Variants in MTMR7 observed in about 807,000 individuals in gnomAD.
MTMR7 encodes myotubularin related protein 7.
In MTMR7, 76 loss-of-function variants were observed where a neutral mutation model predicts 81.2. That is an observed-to-expected ratio of 0.94 (90% CI 0.78 to 1.13). The LOEUF is 1.13. MTMR7 is among the 50% of genes most tolerant of loss of function. The pLI is 0.00. For synonymous variants in MTMR7, 372 were observed against 289.8 expected, an observed-to-expected ratio of 1.28 and a Z score of -2.88; for missense variants, 1,044 against 820.0, an observed-to-expected ratio of 1.27 and a Z score of -3.34.
intron 6 of MTMR7, 75 bp downstream of exon 6, chr8:17,341,288 C>G (rs1819399721): frequency 6.4e-7 from 1 of 1,573,262 alleles, no homozygotes; most frequent in East Asian, 2.2e-5. Flanking sequence ...CAAGAGATGG[C>G]AGTCGGCTAG....
intron 4 of MTMR7, among the ~76,000 whole-genome samples, chr8:17,352,164 C>T (rs1233888196): frequency 2.6e-5 from 4 of 152,278 alleles, no homozygotes; most frequent in African/African-American, 9.6e-5. Context: ...ACAAAGAGGA[C>T]TTACACTTCA....
At chr8:17,345,183 G>T (rs1374356078) in intron 5 of MTMR7, among the ~76,000 whole-genome samples, 1 of 152,210 alleles carries the variant, frequency 6.6e-6, no homozygotes, top group East Asian at 1.9e-4. Flanking sequence ...TCGACATCTG[G>T]TAAAACCGAG....
At chr8:17,305,057 T>G (rs1817365274) in intron 11 of MTMR7, among the ~76,000 whole-genome samples, 1 of 152,166 alleles carries the variant, frequency 6.6e-6, no homozygotes, top group Non-Finnish European at 1.5e-5. Flanking sequence ...TACACTCTGC[T>G]CCTTCTAAAT....
At chr8:17,397,068 T>C (rs753513794) in intron 1 of MTMR7, among the ~76,000 whole-genome samples, 1 of 151,728 alleles carries the variant, frequency 6.6e-6, no homozygotes, top group Non-Finnish European at 1.5e-5. Flanking sequence ...TAATGAGCAG[T>C]GATACCCAGG....
intron 1 of MTMR7, among the ~76,000 whole-genome samples, chr8:17,380,015 C>T (rs770737894): frequency 6.6e-6 from 1 of 152,152 alleles, no homozygotes. Context: ...TAAGGAAGAG[C>T]TGTGCCACAA....
chr8:17,377,042 TTTTGA>T (rs1379847022), intron 1 of MTMR7, among the ~76,000 whole-genome samples: 1 of 150,230 alleles, frequency 6.7e-6, no homozygotes, highest in African/African-American at 2.4e-5. Flanking sequence ...ATAATTGTTA[TTTTGA>T]TTTGTTTTTT....
chr8:17,297,893 T>G lies in MTMR7; in HGVS notation c.*1969A>C, dbSNP rs928931749. 4.6e-5 allele frequency: 7 copies of G among 152,042 alleles called. No individual in the cohort carries two copies. Among genetic ancestry groups the G allele is most frequent in the African/African-American group, 1.2e-4 (5 of 41,442 alleles). The allele number at this position is 152,042 out of a possible 1,614,324, so 9.4% of individuals were successfully genotyped here. On this transcript the variant is annotated 3_prime_UTR_variant, in exon 14 of 14. Transcript: ENST00000180173. ...GTTACATAAATTATAATGTCTGTCT[T>G]GTAAAAAAGTTGAGGGGACTAAAAG...
intron 11 of MTMR7, among the ~76,000 whole-genome samples, chr8:17,304,803 A>G (rs887948592): frequency 7.4e-6 from 1 of 135,854 alleles, no homozygotes; most frequent in Non-Finnish European, 1.5e-5. Flanking sequence ...TTTTCCCCCA[A>G]ATAGTCATTG....
At chr8:17,390,763 C>A (rs1225219063) in intron 1 of MTMR7, among the ~76,000 whole-genome samples, 1 of 152,100 alleles carries the variant, frequency 6.6e-6, no homozygotes, top group Non-Finnish European at 1.5e-5. Flanking sequence ...GAGAGAAGTA[C>A]AGAATGAAAG....
At chr8:17,342,218 G>C (rs894501023) in intron 5 of MTMR7, among the ~76,000 whole-genome samples, 4 of 152,198 alleles carry the variant, frequency 2.6e-5, no homozygotes, top group Non-Finnish European at 4.4e-5. Flanking sequence ...TGAGTAGGTA[G>C]TACAGATCCT....
chr8:17,395,073 C>G (rs984685446), intron 1 of MTMR7, among the ~76,000 whole-genome samples: 7 of 152,066 alleles, frequency 4.6e-5, no homozygotes, highest in Admixed American at 4.6e-4. Context: ...AAGCAAAAAC[C>G]CTTATTTTCC....
intron 3 of MTMR7, among the ~76,000 whole-genome samples, chr8:17,366,662 G>C (rs552085930): frequency 2.0e-5 from 3 of 152,068 alleles, no homozygotes; most frequent in Non-Finnish European, 4.4e-5. Context: ...CGAGGCGGGC[G>C]GATCATGAGG....
At chr8:17,407,968 C>G (rs551684385) in intron 1 of MTMR7, among the ~76,000 whole-genome samples, 1 of 152,098 alleles carries the variant, frequency 6.6e-6, no homozygotes, top group Non-Finnish European at 1.5e-5. Flanking sequence ...CACTATTTGC[C>G]CACGGTGAAA....
chr8:17,328,374 G>T (rs73552070), intron 7 of MTMR7, among the ~76,000 whole-genome samples: 3,573 of 152,210 alleles, frequency 0.023, 140 homozygotes, highest in African/African-American at 0.081. Flanking sequence ...ATAATAATAG[G>T]CTGGCCTTGA....
At chr8:17,381,205 G>C (rs550995814) in intron 1 of MTMR7, among the ~76,000 whole-genome samples, 98 of 152,076 alleles carry the variant, frequency 6.4e-4, no homozygotes, top group African/African-American at 2.3e-3. Context: ...GGGTTAGACT[G>C]AGGGGAAAAA....
intron 7 of MTMR7, among the ~76,000 whole-genome samples, chr8:17,320,287 C>G (rs1249137518): frequency 2.6e-5 from 4 of 152,240 alleles, no homozygotes; most frequent in Admixed American, 2.0e-4. Context: ...TGAATCTGAT[C>G]AAAAGTCTTC....
chr8:17,352,543 C>A lies in MTMR7; in HGVS notation c.469-3462G>T, dbSNP rs555743088. On this transcript the variant is annotated intron_variant, in intron 4 of 13. Transcript: ENST00000180173. ...AAGCTTTATGACATTGGAGTTGGCACTGATTTATTATGTATGACAGCAAAA... is the reference window on the plus strand; with the variant it reads ...AAGCTTTATGACATTGGAGTTGGCAATGATTTATTATGTATGACAGCAAAA... 2.6e-5 allele frequency among the ~76,000 whole-genome samples: 4 copies of A among 152,206 alleles called. No homozygotes were observed. In the South Asian group the frequency reaches 6.2e-4, roughly 24 times the overall value.
At chr8:17,349,785 G>T (rs928750413) in intron 4 of MTMR7, among the ~76,000 whole-genome samples, 1 of 152,064 alleles carries the variant, frequency 6.6e-6, no homozygotes, top group Non-Finnish European at 1.5e-5. Context: ...CTCTTTCTAC[G>T]CATTCCTGAG....
intron 1 of MTMR7, among the ~76,000 whole-genome samples, chr8:17,404,877 G>A (rs1429828880): frequency 2.0e-5 from 3 of 152,176 alleles, no homozygotes. Flanking sequence ...CCAAGCTGGA[G>A]TGCAGCGGCG....
Sources: gnomAD v4.1 joint callset for allele counts (sites outside exome capture counted in the v4.1 genomes callset) on GRCh38, gnomAD v4.1.1 for gene constraint, MANE v1.5 for transcripts, NCBI Gene and HGNC (gene_info 2026-07-23, HGNC 2026-07-21) for gene names.